The following EHD2 variants were observed in gnomAD, a reference collection of about 807,000 sequenced individuals.
EHD2 encodes EH domain containing 2, also known as EH domain-containing protein 2.
A neutral mutation model predicts 41.0 loss-of-function variants in EHD2; 27 were observed. That is an observed-to-expected ratio of 0.66 (90% CI 0.49 to 0.91). EHD2 has a LOEUF of 0.91. Ranked by LOEUF, EHD2 falls within the 40% of genes least tolerant of loss-of-function variation. EHD2 has a pLI of 0.00. For synonymous variants in EHD2, 342 were observed against 341.0 expected (o/e 1.00, Z -0.03); for missense variants, 673 against 773.9 (o/e 0.87, Z 1.55).
rs1489716003 is a variant in EHD2, at chr19:47,741,441, C to T, written c.*9C>T. 4.5e-6 allele frequency: 7 copies of T among 1,560,040 alleles called. No homozygotes were observed. Among genetic ancestry groups the T allele is most frequent in the Non-Finnish European group, 6.0e-6 (7 of 1,160,582 alleles). On this transcript the variant is annotated 3_prime_UTR_variant, in exon 6 of 6. Coordinates refer to ENST00000263277, the MANE Select transcript of EHD2 (RefSeq NM_014601.4). This position sits in a 1 kb window ranked among gnomAD's most constrained non-coding sequence, Gnocchi z 4.5. ...AGGGCTCCGCCGAGTGAGCCGGCCC[C>T]CCTCCCATGGCCCTGCTGTGGCTCC...
In EHD2 at chr19:47,726,205, A is replaced by C. The variant is rs760139648; in HGVS notation, c.896A>C (p.Lys299Thr). 1.2e-5 allele frequency: 18 copies of C among 1,534,488 alleles called. No individual in the cohort carries two copies. Among genetic ancestry groups the C allele is most frequent in the Non-Finnish European group, 1.2e-5 (14 of 1,140,196 alleles). The change falls in exon 4 of 6, where the codon AAG becomes ACG. Residue 299 changes from lysine to threonine, a missense_variant. Transcript: ENST00000263277. ...AALRKLNDLV[K>T]RARLVRVHAY... ...TTGCGCAAGCTCAACGACCTGGTGA[A>C]GAGGGCCCGGCTGGTGCGAGTGAGT...
At chr19:47,721,905 A>C (rs1449536030) in intron 3 of EHD2, among the ~76,000 whole-genome samples, 1 of 151,776 alleles carries the variant, frequency 6.6e-6, no homozygotes, top group Non-Finnish European at 1.5e-5. Flanking sequence ...GAATTGCTTG[A>C]ACCCAGGAGG....
At chr19:47,740,347 G>A (rs2123661555) in intron 5 of EHD2, among the ~76,000 whole-genome samples, 1 of 152,276 alleles carries the variant, frequency 6.6e-6, no homozygotes, top group African/African-American at 2.4e-5. Flanking sequence ...ACTGAGGCCA[G>A]AGGATCGTTT....
chr19:47,740,314 CTGTGG>C (rs562389228), intron 5 of EHD2, among the ~76,000 whole-genome samples: 58 of 152,150 alleles, frequency 3.8e-4, no homozygotes, highest in Middle Eastern at 3.4e-3. Context: ...TGGTGTGTGC[CTGTGG>C]TCCCAGCTAC....
chr19:47,740,529 T>C (rs1387673416), intron 5 of EHD2, among the ~76,000 whole-genome samples: 1 of 151,760 alleles, frequency 6.6e-6, no homozygotes, highest in Non-Finnish European at 1.5e-5. Flanking sequence ...GGGCGAATCA[T>C]GAGGTCAGGA....
intron 4 of EHD2, among the ~76,000 whole-genome samples, chr19:47,728,359 C>T (rs78988814): frequency 0.087 from 13,273 of 151,968 alleles, 790 homozygotes; most frequent in Non-Finnish European, 0.13. Flanking sequence ...CTCACTCCCT[C>T]CTCACCCCTT....
chr19:47,740,953 A>C lies in EHD2; in HGVS notation c.1153A>C (p.Met385Leu). ...GAAGCTGCTAGAGGCACTGGACGAGATGCTGACGCACGACATCGCCAAGCT... is the reference window on the plus strand; with the variant it reads ...GAAGCTGCTAGAGGCACTGGACGAGCTGCTGACGCACGACATCGCCAAGCT... The part of the protein sequence containing the change: ...KPKLLEALDE[M>L]LTHDIAKLMP... The change falls in exon 6 of 6, where the codon ATG becomes CTG. Residue 385 changes from methionine (M) to leucine (L), a missense_variant. Transcript: ENST00000263277. 1.2e-6 allele frequency: 2 copies of C among 1,612,756 alleles called. No homozygotes were observed. Among genetic ancestry groups the C allele is most frequent in the Non-Finnish European group, 1.7e-6 (2 of 1,179,822 alleles).
Position 47,718,535 on chromosome 19 carries a change from A to C in EHD2, c.431A>C (p.Gln144Pro). Residue 144 changes from glutamine to proline, a missense_variant, in exon 3 of 6, where the codon CAG becomes CCG. Transcript: ENST00000263277. ...NRFMCAQLPN[Q>P]VLESISIIDT... ...TTCATGTGTGCCCAGCTCCCTAATC[A>C]GGTCCTGGAGAGCATCAGCATCATC... 1 of 1,586,530 alleles carries C rather than the reference A, an allele frequency of 6.3e-7. No individual in the cohort carries two copies. The highest frequency in any genetic ancestry group is 2.3e-5 in the East Asian group (1 of 43,918).
At chr19:47,738,415 G>A (rs1412075000) in intron 5 of EHD2, among the ~76,000 whole-genome samples, 1 of 151,582 alleles carries the variant, frequency 6.6e-6, no homozygotes, top group Non-Finnish European at 1.5e-5. Flanking sequence ...CAATTATCCT[G>A]CCTCAGCCTC....
intron 5 of EHD2, among the ~76,000 whole-genome samples, chr19:47,738,932 A>C (rs1229936546): frequency 1.3e-5 from 2 of 151,984 alleles, no homozygotes; most frequent in Non-Finnish European, 2.9e-5. Flanking sequence ...CTACACCCCA[A>C]AGTGACTTCT....
intron 4 of EHD2, among the ~76,000 whole-genome samples, chr19:47,728,186 G>A (rs1973772082): frequency 6.6e-6 from 1 of 151,524 alleles, no homozygotes; most frequent in South Asian, 2.1e-4. Flanking sequence ...TGTGGCCACA[G>A]ATTGTCCCCT....
chr19:47,724,638 C>G (rs1434485562), intron 3 of EHD2, among the ~76,000 whole-genome samples: 2 of 152,120 alleles, frequency 1.3e-5, no homozygotes, highest in Non-Finnish European at 2.9e-5. Flanking sequence ...AGCATGGGAA[C>G]CCATGGCTGG....
intron 4 of EHD2, among the ~76,000 whole-genome samples, chr19:47,736,096 T>C (rs1205074189): frequency 6.6e-6 from 1 of 151,774 alleles, no homozygotes. Context: ...CTCAGGAGCC[T>C]GAGACAGGAG....
chr19:47,717,375 G>A (rs554875096), intron 2 of EHD2, among the ~76,000 whole-genome samples: 6 of 152,174 alleles, frequency 3.9e-5, no homozygotes, highest in Non-Finnish European at 5.9e-5. Context: ...CTGTCCCAGG[G>A]GTGCATCTTG....
rs769084730 is a variant in EHD2 at position 47,716,842 on chromosome 19, A to T, written c.230A>T (p.Tyr77Phe). ...YSTGKTSFIQ[Y>F]LLEQEVPGSR... ...ACGGGCAAGACCAGCTTCATCCAGT[A>T]CCTGCTGGAGCAGGAGGTGCCCGGC... The change falls in exon 2 of 6, where the codon TAC becomes TTC. Residue 77 changes from tyrosine (Y) to phenylalanine (F), a missense_variant. Coordinates refer to ENST00000263277, the MANE Select transcript of EHD2 (RefSeq NM_014601.4). The T allele has an allele frequency of 2.5e-6, 4 of 1,610,138 alleles. No homozygotes were observed. Among genetic ancestry groups the T allele is most frequent in the Non-Finnish European group, 2.5e-6 (3 of 1,178,062 alleles).
intron 3 of EHD2, among the ~76,000 whole-genome samples, chr19:47,722,149 G>A (rs1238113478): frequency 1.3e-5 from 2 of 152,096 alleles, no homozygotes; most frequent in Admixed American, 1.3e-4. Context: ...ACTTGTGTGT[G>A]CACACAGTAG....
At chr19:47,713,875 T>C (rs1973599387) in intron 1 of EHD2, among the ~76,000 whole-genome samples, 1 of 151,518 alleles carries the variant, frequency 6.6e-6, no homozygotes, top group African/African-American at 2.4e-5. Flanking sequence ...ATCAGCTAAC[T>C]TGGTCCCTCC....
chr19:47,716,663 C>T lies in EHD2; in HGVS notation c.51C>T (p.Ala17=), dbSNP rs1427416380. The part of the protein sequence containing the change: ...RGGARGQQPE[A]IRTVTSALKE... ...GGGCACGGGGCCAGCAGCCCGAGGC[C>T]ATCCGCACGGTGACCTCGGCCCTCA... is the stretch of plus-strand genomic sequence containing the variant. The change falls in exon 2 of 6, where the codon GCC becomes GCT. Residue 17 remains alanine, a synonymous_variant. Transcript: ENST00000263277. 1.9e-6 allele frequency: 3 copies of T among 1,595,316 alleles called. No homozygotes were observed. Among genetic ancestry groups the T allele is most frequent in the South Asian group, 2.2e-5 (2 of 89,044 alleles).
At chr19:47,720,849 G>A (rs961017636) in intron 3 of EHD2, among the ~76,000 whole-genome samples, 2 of 152,164 alleles carry the variant, frequency 1.3e-5, no homozygotes, top group East Asian at 3.9e-4. Flanking sequence ...GTGTATGTGA[G>A]AATGTGTGTG....
Sources: gnomAD v4.1 joint callset for allele counts (sites outside exome capture counted in the v4.1 genomes callset) on GRCh38, gnomAD v4.1.1 for gene constraint, Gnocchi (gnomAD v3.1) non-coding constraint, MANE v1.5 for transcripts, NCBI Gene and HGNC (gene_info 2026-07-23, HGNC 2026-07-21) for gene names.